Variants in DNAH14 observed in about 807,000 individuals in gnomAD.
The protein encoded by DNAH14 is dynein axonemal heavy chain 14, also known as axonemal beta dynein heavy chain 14.
A neutral mutation model predicts 520.9 loss-of-function variants in DNAH14; 478 were observed. The observed-to-expected ratio is 0.92, with a 90% confidence interval of 0.85 to 0.99. The LOEUF is 0.99. Ranked by LOEUF, DNAH14 falls within the 50% of genes least tolerant of loss-of-function variation. The probability of loss-of-function intolerance (pLI) is 0.00; values close to 1 mark genes in which losing one functional copy is unlikely to be tolerated. For synonymous variants in DNAH14, 1,581 were observed against 1,757.2 expected, an observed-to-expected ratio of 0.90 and a Z score of 2.51; for missense variants, 4,831 against 5,234.5, an observed-to-expected ratio of 0.92 and a Z score of 2.38.
At chr1:225,099,336 T>C (rs760620618) in intron 22 of DNAH14, among the ~76,000 whole-genome samples, 2 of 152,162 alleles carry the variant, frequency 1.3e-5, no homozygotes, top group African/African-American at 2.4e-5. Flanking sequence ...CAGCCTTTAA[T>C]AACAGGGCAA....
chr1:225,151,513 C>A (rs1439068706), intron 31 of DNAH14, among the ~76,000 whole-genome samples: 1 of 152,146 alleles, frequency 6.6e-6, no homozygotes, highest in Non-Finnish European at 1.5e-5. Flanking sequence ...TTGTCTCTAC[C>A]ACTGATGCTG....
At chr1:225,061,303 C>T (rs193188001) in intron 17 of DNAH14, among the ~76,000 whole-genome samples, 90 of 152,320 alleles carry the variant, frequency 5.9e-4, no homozygotes, top group African/African-American at 2.1e-3. Flanking sequence ...GGGCGTAGGA[C>T]CCTCTGAGCC....
In DNAH14 at chr1:225,380,283, T is replaced by C; in HGVS notation, c.12841T>C (p.Ser4281Pro). 6.4e-7 allele frequency: 1 copy of C among 1,551,682 alleles called. No individual in the cohort carries two copies. Among genetic ancestry groups the C allele is most frequent in the Non-Finnish European group, 8.7e-7 (1 of 1,146,986 alleles). ...TCCAAGCACATTGAAGAGCATGATG[T>C]CAAGCTCCATTTGGGAGTCTCTTTC... ...GTPSTLKSMM[S>P]SSIWESLSKN... The change falls in exon 80 of 86, where the codon TCA (serine) becomes CCA (proline). Residue 4281 changes from serine to proline, a missense_variant. Ser to Pro is a moderately conservative substitution (Grantham distance 74, BLOSUM62 -1). Coordinates refer to ENST00000682510, the MANE Select transcript of DNAH14 (RefSeq NM_001367479.1).
At chr1:224,983,127 C>G (rs998851563) in intron 8 of DNAH14, among the ~76,000 whole-genome samples, 6 of 152,122 alleles carry the variant, frequency 3.9e-5, no homozygotes, top group Non-Finnish European at 7.3e-5. Flanking sequence ...TATAAACTTG[C>G]AAGCTCCAGT....
At chr1:224,981,318 G>T (rs969308563) in intron 8 of DNAH14, among the ~76,000 whole-genome samples, 26 of 152,222 alleles carry the variant, frequency 1.7e-4, no homozygotes, top group African/African-American at 6.0e-4. Context: ...ATTAGGGAGG[G>T]TTCCTTCTTT....
chr1:225,159,198 G>T (rs1573585823), intron 34 of DNAH14, 116 bp from the exon 35 acceptor site: 1 of 763,562 alleles, frequency 1.3e-6, no homozygotes, highest in East Asian at 2.8e-5. Flanking sequence ...CAGTGAGAGA[G>T]AGGAGGGAAG....
intron 48 of DNAH14, 70 bp from the exon 49 acceptor site, chr1:225,266,571 A>G (rs2093127200): frequency 8.3e-7 from 1 of 1,211,364 alleles, no homozygotes; most frequent in South Asian, 2.3e-5. Flanking sequence ...CCCAACCATA[A>G]TATTCCTAAT....
At chr1:225,252,809 TAGAAA>T (rs2092605902) in intron 44 of DNAH14, among the ~76,000 whole-genome samples, 1 of 152,104 alleles carries the variant, frequency 6.6e-6, no homozygotes. Context: ...AAATGCTAAT[TAGAAA>T]AGAATAATCA....
chr1:225,319,763 CTG>C, intron 61 of DNAH14, among the ~76,000 whole-genome samples: 1 of 152,280 alleles, frequency 6.6e-6, no homozygotes, highest in African/African-American at 2.4e-5. Context: ...GTTGTGGAAA[CTG>C]TTTCTGATGA....
intron 60 of DNAH14, among the ~76,000 whole-genome samples, chr1:225,316,558 C>T (rs1458000966): frequency 6.6e-6 from 1 of 152,160 alleles, no homozygotes. Flanking sequence ...CCAGAATGCA[C>T]CGTCCTTCAT....
chr1:225,205,828 A>G, intron 39 of DNAH14, 143 bp from the exon 40 acceptor site: 2 of 638,966 alleles, frequency 3.1e-6, no homozygotes, highest in South Asian at 4.0e-5. Flanking sequence ...CAGGGACTAC[A>G]TATAAACACA....
At position 224,976,467 on chromosome 1, in the gene DNAH14, G is replaced by A. The variant is rs1429221353; in HGVS notation, c.830+2314G>A. ...CTAAAACACCAAAAGTAATGGCAACGAAAGCCAAAATTGACAAATGGGATC... is the reference window on the plus strand; with the variant it reads ...CTAAAACACCAAAAGTAATGGCAACAAAAGCCAAAATTGACAAATGGGATC... On this transcript the variant is annotated intron_variant, in intron 8 of 85. Coordinates refer to ENST00000682510, the MANE Select transcript of DNAH14 (RefSeq NM_001367479.1). Among the ~76,000 whole-genome samples, 13 of 152,172 alleles carry A rather than the reference G, an allele frequency of 8.5e-5. No homozygotes were observed. The East Asian group carries it at 1.7e-3, about 20-fold the overall frequency.
At chr1:225,349,680 T>C (rs1457805376) in intron 71 of DNAH14, among the ~76,000 whole-genome samples, 1 of 151,846 alleles carries the variant, frequency 6.6e-6, no homozygotes, top group African/African-American at 2.4e-5. Context: ...AAACGTGAAA[T>C]CAAAACTGTT....
At chr1:225,076,493 T>C (rs969674695) in intron 17 of DNAH14, among the ~76,000 whole-genome samples, 3 of 152,196 alleles carry the variant, frequency 2.0e-5, no homozygotes, top group Non-Finnish European at 4.4e-5. Context: ...ATAATTGTTA[T>C]AGTTGATGTT....
At chr1:225,119,084 C>T in intron 25 of DNAH14, 136 bp from the exon 26 acceptor site, 1 of 503,662 alleles carries the variant, frequency 2.0e-6, no homozygotes, top group Non-Finnish European at 3.3e-6. Flanking sequence ...TTAGAAAAAC[C>T]AAAAGGCAGT....
chr1:225,056,924 G>T (rs879864543), intron 17 of DNAH14, among the ~76,000 whole-genome samples: 1 of 152,194 alleles, frequency 6.6e-6, no homozygotes, highest in Non-Finnish European at 1.5e-5. Context: ...TGCTGTTTCG[G>T]TTACTGTAGC....
Position 225,119,209 on chromosome 1 carries a change from A to C in DNAH14, c.4092-11A>C, listed in dbSNP as rs2077106291. Reference sequence around the variant, plus strand: ...AATTCTTCATGATATTATTTTTGAAACTAATTTTAGGAAAATTCGTGTAAG... The same window carrying C: ...AATTCTTCATGATATTATTTTTGAACCTAATTTTAGGAAAATTCGTGTAAG... On this transcript the variant is annotated splice_polypyrimidine_tract_variant and intron_variant, in intron 25 of 85. Coordinates refer to ENST00000682510, the MANE Select transcript of DNAH14 (RefSeq NM_001367479.1). 1 of 1,510,528 alleles carries C rather than the reference A, an allele frequency of 6.6e-7. No homozygotes were observed. Among genetic ancestry groups the C allele is most frequent in the African/African-American group, 1.4e-5 (1 of 71,650 alleles). The allele number at this position is 1,510,528 out of a possible 1,614,324, so 93.6% of individuals were successfully genotyped here.
In DNAH14 at chr1:224,929,713, T is replaced by A. The variant is rs752007195; in HGVS notation, c.-156T>A. 3 of 702,380 alleles carry A rather than the reference T, an allele frequency of 4.3e-6. No individual in the cohort carries two copies. In the Admixed American group the frequency reaches 6.0e-5, roughly 14 times the overall value. The allele number at this position is 702,380 out of a possible 1,614,324, so 43.5% of individuals were successfully genotyped here. A position where few individuals can be genotyped will look rare whatever the true frequency, so the allele number is the denominator to read the frequency against. On this transcript the variant is annotated 5_prime_UTR_variant, in exon 1 of 86. Transcript: ENST00000682510. ...GGCCAGGAGGCGTCGGAGCCTGGCG[T>A]GGTAGGGCTGTGCTGCGCGGTCCTT...
intron 38 of DNAH14, among the ~76,000 whole-genome samples, chr1:225,193,399 A>G (rs2085702630): frequency 6.6e-6 from 1 of 152,234 alleles, no homozygotes; most frequent in African/African-American, 2.4e-5. Context: ...GTTTAAAACC[A>G]AACAGAGAAG....
Sources: gnomAD v4.1 joint callset for allele counts (sites outside exome capture counted in the v4.1 genomes callset) on GRCh38, gnomAD v4.1.1 for gene constraint, MANE v1.5 for transcripts, NCBI Gene and HGNC (gene_info 2026-07-23, HGNC 2026-07-21) for gene names.